The following DBF4B variants were observed in gnomAD, a reference collection of about 807,000 sequenced individuals.
DBF4B encodes DBF4B-CDC7 kinase regulatory subunit.
Under a neutral mutation model 53.4 loss-of-function variants are expected in DBF4B, and 49 were observed. That is an observed-to-expected ratio of 0.92 (90% CI 0.73 to 1.16). DBF4B has a LOEUF of 1.16. Ranked by LOEUF, DBF4B falls within the 50% of genes most tolerant of loss-of-function variation. The pLI is 0.00. For missense variants in DBF4B, 692 were observed against 775.0 expected (o/e 0.89, Z 1.27); for synonymous variants, 257 against 288.7 (o/e 0.89, Z 1.11).
intron 3 of DBF4B, among the ~76,000 whole-genome samples, chr17:44,727,258 A>C (rs1033337451): frequency 2.0e-5 from 3 of 151,568 alleles, no homozygotes; most frequent in African/African-American, 7.3e-5. Flanking sequence ...CTCTACTAAA[A>C]ATATAAAAAA....
At chr17:44,718,832 G>C (rs1054845416) in intron 2 of DBF4B, 1 of 151,512 alleles carries the variant, frequency 6.6e-6, no homozygotes, top group African/African-American at 2.4e-5. Flanking sequence ...CTTTGGTGCC[G>C]CATGCCTGTA....
chr17:44,731,156 C>T (rs1471041930), intron 5 of DBF4B, 141 bp downstream of exon 5: 16 of 978,854 alleles, frequency 1.6e-5, no homozygotes, highest in Non-Finnish European at 2.3e-5. Flanking sequence ...CCTTCTTCTA[C>T]ATCAGGTAGT....
intron 2 of DBF4B, among the ~76,000 whole-genome samples, chr17:44,717,823 T>C (rs1973460076): frequency 6.6e-6 from 1 of 150,868 alleles, no homozygotes; most frequent in African/African-American, 2.4e-5. Context: ...AAGACCAGAA[T>C]GGGCAACATA....
chr17:44,711,948 A>AG (rs1972917035), intron 2 of DBF4B, among the ~76,000 whole-genome samples: 3 of 151,312 alleles, frequency 2.0e-5, no homozygotes, highest in African/African-American at 7.3e-5. Context: ...AAAAAAAAAA[A>AG]TTAGCTGGCG....
At chr17:44,716,742 G>A (rs1453722663) in intron 2 of DBF4B, among the ~76,000 whole-genome samples, 1 of 152,096 alleles carries the variant, frequency 6.6e-6, no homozygotes, top group Non-Finnish European at 1.5e-5. Flanking sequence ...GTGGGAGAGG[G>A]TTCTGAGAGT....
intron 6 of DBF4B, chr17:44,732,529 C>A: frequency 2.3e-6 from 1 of 442,584 alleles, no homozygotes; most frequent in Non-Finnish European, 4.1e-6. Context: ...TCTCCCCCAG[C>A]TAGTATGATG....
chr17:44,741,580 G>A (rs778099369), intron 10 of DBF4B, 128 bp downstream of exon 10: 14 of 603,604 alleles, frequency 2.3e-5, no homozygotes, highest in Middle Eastern at 4.6e-4. Flanking sequence ...TTCTGGGAAC[G>A]TAGCCCAGAG....
chr17:44,732,359 T>C, intron 6 of DBF4B, 94 bp downstream of exon 6: 1 of 1,330,420 alleles, frequency 7.5e-7, no homozygotes, highest in Non-Finnish European at 1.1e-6. Flanking sequence ...TGTGAGCTTC[T>C]GGTCACCGGA....
At chr17:44,720,135 G>T in intron 2 of DBF4B, 1 of 300,370 alleles carries the variant, frequency 3.3e-6, no homozygotes, top group Admixed American at 4.0e-5. Context: ...CGCCTCTGTG[G>T]CGCCCAGTGG....
chr17:44,714,144 G>A (rs186842011), intron 2 of DBF4B, among the ~76,000 whole-genome samples: 9 of 152,208 alleles, frequency 5.9e-5, no homozygotes, highest in African/African-American at 2.2e-4. Flanking sequence ...GACATGCAAA[G>A]TCATATAATG....
rs150638643 is a variant in DBF4B, at chr17:44,743,652, C to G, written c.830+2200C>G. ...TTGAGAATGAGTCCCACACTGTTGCCTAGGCAGGAGTGCAGTGGCGTGATC... is the reference window on the plus strand; with the variant it reads ...TTGAGAATGAGTCCCACACTGTTGCGTAGGCAGGAGTGCAGTGGCGTGATC... On this transcript the variant is annotated intron_variant, in intron 10 of 13. Transcript: ENST00000315005. Among the ~76,000 whole-genome samples the G allele has an allele frequency of 1.4e-4, 21 of 146,798 alleles. No homozygotes were observed. The East Asian group carries it at 4.0e-3, about 28-fold the overall frequency.
chr17:44,743,689 C>T (rs1976301465), intron 10 of DBF4B, among the ~76,000 whole-genome samples: 2 of 149,338 alleles, frequency 1.3e-5, no homozygotes, highest in Non-Finnish European at 3.0e-5. Flanking sequence ...CTGCTCACTG[C>T]AACCTCCGCC....
At position 44,751,942 on chromosome 17, in the gene DBF4B, C is replaced by A; in HGVS notation, c.*689C>A. The A allele has an allele frequency of 2.6e-6, 4 of 1,536,000 alleles. No individual in the cohort carries two copies. Among genetic ancestry groups the A allele is most frequent in the Non-Finnish European group, 3.5e-6 (4 of 1,146,848 alleles). On this transcript the variant is annotated 3_prime_UTR_variant, in exon 14 of 14. Coordinates refer to ENST00000315005, the MANE Select transcript of DBF4B (RefSeq NM_145663.3). ...CATTCCCTCGTTCGTTCATTCAGCA[C>A]AGGCCTTGCCGTCTGCCCTGAGTCA...
intron 3 of DBF4B, among the ~76,000 whole-genome samples, chr17:44,724,571 A>G (rs939845096): frequency 7.9e-5 from 12 of 152,136 alleles, no homozygotes; most frequent in East Asian, 1.9e-4. Context: ...AGTAGAGACG[A>G]GGTTTCACCG....
chr17:44,749,833 C>CA lies in DBF4B; in HGVS notation c.1190-761dup, dbSNP rs2049232652. ...CACCCCCAACCCCGGCCTCCTTTCT[C>CA]ACGAGCATGTGGCCGCTCCTGCTTT... On this transcript the variant is annotated intron_variant, in intron 13 of 13. Coordinates refer to ENST00000315005, the MANE Select transcript of DBF4B (RefSeq NM_145663.3). This position sits in a 1 kb window ranked among gnomAD's most constrained non-coding sequence, Gnocchi z 4.4. 1 of 1,037,234 alleles carries CA rather than the reference C, an allele frequency of 9.6e-7. No individual in the cohort carries two copies. Among genetic ancestry groups the CA allele is most frequent in the Non-Finnish European group, 1.2e-6 (1 of 860,908 alleles). 64.3% of individuals were successfully genotyped at this position (1,037,234 alleles called of 1,614,324 possible). A position where few individuals can be genotyped will look rare whatever the true frequency, so the allele number is the denominator to read the frequency against.
chr17:44,731,627 CTCTT>C (rs1974845382), intron 5 of DBF4B: 1 of 157,674 alleles, frequency 6.3e-6, no homozygotes, highest in African/African-American at 2.4e-5. Flanking sequence ...AAACAAGTAA[CTCTT>C]TATTCCTTGT....
chr17:44,741,554 CCTT>C, intron 10 of DBF4B, 102 bp downstream of exon 10: 1 of 727,912 alleles, frequency 1.4e-6, no homozygotes, highest in Non-Finnish European at 2.3e-6. Context: ...TGTGTTTGCT[CCTT>C]AGGCAAAGTC....
At chr17:44,736,148 ATTTT>A (rs61077434) in intron 7 of DBF4B, among the ~76,000 whole-genome samples, 1 of 139,844 alleles carries the variant, frequency 7.2e-6, no homozygotes, top group African/African-American at 2.6e-5. Flanking sequence ...TGCCTGGCTA[ATTTT>A]TTTTTTTTTT....
intron 7 of DBF4B, among the ~76,000 whole-genome samples, chr17:44,736,020 C>T (rs188193821): frequency 5.9e-4 from 90 of 152,072 alleles, no homozygotes; most frequent in African/African-American, 2.0e-3. Context: ...CTGGCTCTGT[C>T]GCCCAGGCTG....
Sources: gnomAD v4.1 joint callset for allele counts (sites outside exome capture counted in the v4.1 genomes callset) on GRCh38, gnomAD v4.1.1 for gene constraint, Gnocchi (gnomAD v3.1) non-coding constraint, MANE v1.5 for transcripts, NCBI Gene and HGNC (gene_info 2026-07-23, HGNC 2026-07-21) for gene names.